CHRM5: variants seen among roughly 807,000 people sequenced by gnomAD.
CHRM5 encodes the protein cholinergic receptor muscarinic 5, also known as muscarinic acetylcholine receptor M5.
CHRM5 carries 18 observed loss-of-function variants against 39.0 expected under a neutral mutation model. The ratio of observed to expected loss-of-function variants is 0.46; its 90% CI spans 0.32 to 0.68. The LOEUF (loss-of-function observed/expected upper bound fraction) is 0.68. Ranked by LOEUF, CHRM5 falls within the 30% of genes least tolerant of loss-of-function variation. The pLI is 0.04. For synonymous variants in CHRM5, 241 were observed against 246.3 expected (o/e 0.98, Z 0.20); for missense variants, 515 against 651.1 (o/e 0.79, Z 2.28).
chr15:34,007,138 G>T, intron 1 of CHRM5: 1 of 729,788 alleles, frequency 1.4e-6, no homozygotes, highest in Non-Finnish European at 1.7e-6. Flanking sequence ...TCAAACTACT[G>T]CCGAGCTATT....
intron 1 of CHRM5, among the ~76,000 whole-genome samples, chr15:33,980,594 G>C (rs1318677125): frequency 1.4e-5 from 2 of 146,974 alleles, no homozygotes; most frequent in South Asian, 2.3e-4. Context: ...GTATATTAAA[G>C]CCTTGGGCAC....
At chr15:33,997,935 C>T (rs1897002790) in intron 1 of CHRM5, among the ~76,000 whole-genome samples, 1 of 152,146 alleles carries the variant, frequency 6.6e-6, no homozygotes, top group African/African-American at 2.4e-5. Flanking sequence ...TGTCACCCAA[C>T]ATCTATACCA....
rs1900418423 is a variant in CHRM5, at chr15:34,063,487, C to G, written c.770C>G (p.Pro257Arg). The G allele has an allele frequency of 2.5e-6, 4 of 1,613,752 alleles. No individual in the cohort carries two copies. Among genetic ancestry groups the G allele is most frequent in the Non-Finnish European group, 3.4e-6 (4 of 1,180,038 alleles). ...CTGTTCAGATCCTGCTTGCGCTGTC[C>G]TCGACCCACCCTGGCCCAGCGGGAA... ...RALFRSCLRC[P>R]RPTLAQRERN... The change falls in exon 3 of 3, where the codon CCT becomes CGT. Residue 257 changes from proline (P) to arginine (R), a missense_variant. Pro to Arg is a moderately radical substitution (Grantham distance 103, BLOSUM62 -2). Coordinates refer to ENST00000383263, the MANE Select transcript of CHRM5 (RefSeq NM_012125.4). This position sits in a 1 kb window ranked among gnomAD's most constrained non-coding sequence, Gnocchi z 4.1.
rs1052075863 is a variant in CHRM5 at position 34,021,862 on chromosome 15, A to AAAAAT, written c.-407-24660_-407-24656dup. Among the ~76,000 whole-genome samples the AAAAAT allele has an allele frequency of 1.8e-3, 278 of 152,176 alleles. 2 individuals carry two copies. The highest frequency in any genetic ancestry group is 6.4e-3 in the African/African-American group (267 of 41,484). On this transcript the variant is annotated intron_variant, in intron 1 of 2. Transcript: ENST00000383263. ...CAGCGCAAGACTCCATCTCAAAAATAAAAATAAAATAAAATAAAATAAGAG... is the reference window on the plus strand; with the variant it reads ...CAGCGCAAGACTCCATCTCAAAAATAAAAATAAAATAAAATAAAATAAAATAAGAG...
At chr15:34,038,814 TC>T in intron 1 of CHRM5, 1 of 1,193,472 alleles carries the variant, frequency 8.4e-7, no homozygotes, top group Admixed American at 4.1e-5. Context: ...GCCTCCCGGC[TC>T]CCGGCGGCTG....
chr15:34,040,516 T>A (rs1597381603), intron 1 of CHRM5, among the ~76,000 whole-genome samples: 1 of 152,212 alleles, frequency 6.6e-6, no homozygotes, highest in South Asian at 2.1e-4. Context: ...CCAAACACTA[T>A]TCTACATACT....
At chr15:34,020,549 T>C (rs148500393) in intron 1 of CHRM5, among the ~76,000 whole-genome samples, 1 of 152,328 alleles carries the variant, frequency 6.6e-6, no homozygotes, top group Non-Finnish European at 1.5e-5. Context: ...GAACATCCCC[T>C]CTTCTCACAC....
chr15:33,998,344 G>T (rs1053921206), intron 1 of CHRM5, among the ~76,000 whole-genome samples: 2 of 152,084 alleles, frequency 1.3e-5, no homozygotes, highest in Non-Finnish European at 2.9e-5. Flanking sequence ...TGTCTTAACT[G>T]GCCAAGCATA....
At chr15:34,025,994 G>A (rs2632079) in intron 1 of CHRM5, among the ~76,000 whole-genome samples, 95,370 of 151,976 alleles carry the variant, frequency 0.63, 34,918 homozygotes, top group Non-Finnish European at 0.82. Flanking sequence ...TTGTAGAATC[G>A]TCTTTTCAAA....
At chr15:34,056,746 G>A (rs781429211) in intron 2 of CHRM5, among the ~76,000 whole-genome samples, 6 of 152,104 alleles carry the variant, frequency 3.9e-5, no homozygotes, top group Non-Finnish European at 7.3e-5. Flanking sequence ...AAAGAGGAAG[G>A]GCCAGGTGTG....
At position 34,063,994 on chromosome 15, in the gene CHRM5, T is replaced by G; in HGVS notation, c.1277T>G (p.Met426Arg). Residue 426 changes from methionine (M) to arginine (R), a missense_variant, in exon 3 of 3, where the codon ATG becomes AGG. Met to Arg is a moderately conservative substitution (Grantham distance 91). Coordinates refer to ENST00000383263, the MANE Select transcript of CHRM5 (RefSeq NM_012125.4). The surrounding 1 kb of genome is among the most constrained non-coding windows in gnomAD (Gnocchi z 4.1). ...CTCAATCCCAACCCCAGCCATCAAATGACCAAACGAAAGAGAGTGGTCCTA... is the reference window on the plus strand; with the variant it reads ...CTCAATCCCAACCCCAGCCATCAAAGGACCAAACGAAAGAGAGTGGTCCTA... ...KGLNPNPSHQ[M>R]TKRKRVVLVK... is the part of the protein sequence containing the mutation. The G allele has an allele frequency of 6.2e-7, 1 of 1,614,164 alleles. No individual in the cohort carries two copies. Among genetic ancestry groups the G allele is most frequent in the Non-Finnish European group, 8.5e-7 (1 of 1,180,022 alleles).
intron 1 of CHRM5, among the ~76,000 whole-genome samples, chr15:34,016,344 A>G (rs1897911406): frequency 6.6e-6 from 1 of 152,224 alleles, no homozygotes; most frequent in Non-Finnish European, 1.5e-5. Context: ...ACTTTTAAAA[A>G]TCTTATTATG....
intron 1 of CHRM5, among the ~76,000 whole-genome samples, chr15:34,010,849 A>G (rs1377639490): frequency 1.3e-5 from 2 of 152,248 alleles, no homozygotes; most frequent in African/African-American, 4.8e-5. Flanking sequence ...ACTGATTAAT[A>G]GTTAATTGCC....
chr15:34,017,003 T>C (rs547463259), intron 1 of CHRM5, among the ~76,000 whole-genome samples: 1 of 94,756 alleles, frequency 1.1e-5, no homozygotes, highest in South Asian at 3.3e-4. Flanking sequence ...TGGTGGCACA[T>C]CCCTGTAGTC....
Position 34,063,612 on chromosome 15 carries a change from C to A in CHRM5, c.895C>A (p.Gln299Lys). ...AAGCGCCAATTGGGCCAAAGCTGAG[C>A]AGCTCACCACCTGTAGCAGCTACCC... ...GPSANWAKAE[Q>K]LTTCSSYPSS... Residue 299 changes from glutamine to lysine, a missense_variant, in exon 3 of 3, where the codon CAG (glutamine) becomes AAG (lysine). Gln to Lys is a moderately conservative substitution (Grantham distance 53, BLOSUM62 1). Transcript: ENST00000383263. This position sits in a 1 kb window ranked among gnomAD's most constrained non-coding sequence, Gnocchi z 4.1. The A allele has an allele frequency of 6.2e-7, 1 of 1,613,962 alleles. No homozygotes were observed. Among genetic ancestry groups the A allele is most frequent in the Non-Finnish European group, 8.5e-7 (1 of 1,180,026 alleles).
chr15:33,977,968 A>G (rs1235380274), intron 1 of CHRM5, among the ~76,000 whole-genome samples: 4 of 143,582 alleles, frequency 2.8e-5, no homozygotes, highest in Admixed American at 2.8e-4. Flanking sequence ...AGAAAGAGAA[A>G]GAGAAAAGGA....
intron 1 of CHRM5, among the ~76,000 whole-genome samples, chr15:34,010,737 T>C (rs1897602111): frequency 6.6e-6 from 1 of 152,190 alleles, no homozygotes. Context: ...ATTACTAATG[T>C]CAAATATTCT....
At chr15:34,055,231 G>A (rs1900090206) in intron 2 of CHRM5, among the ~76,000 whole-genome samples, 1 of 151,326 alleles carries the variant, frequency 6.6e-6, no homozygotes, top group Non-Finnish European at 1.5e-5. Flanking sequence ...AGGCCCGGTA[G>A]CTCGCACCTG....
intron 1 of CHRM5, among the ~76,000 whole-genome samples, chr15:34,026,485 A>G (rs577564885): frequency 6.6e-5 from 10 of 152,324 alleles, no homozygotes; most frequent in African/African-American, 1.9e-4. Flanking sequence ...ATGAGTTTGG[A>G]ATTGAAGAAA....
Sources: gnomAD v4.1 joint callset for allele counts (sites outside exome capture counted in the v4.1 genomes callset) on GRCh38, gnomAD v4.1.1 for gene constraint, Gnocchi (gnomAD v3.1) non-coding constraint, MANE v1.5 for transcripts, NCBI Gene and HGNC (gene_info 2026-07-23, HGNC 2026-07-21) for gene names.